Variants in DMD observed in about 807,000 individuals in gnomAD.
The protein encoded by DMD is mutant dystrophin.
In DMD, 63 loss-of-function variants were observed where a neutral mutation model predicts 330.1. That is an observed-to-expected ratio of 0.19 (90% confidence interval 0.16 to 0.24). The LOEUF (loss-of-function observed/expected upper bound fraction) is 0.24, where lower values mean the gene tolerates loss of function less well. Among genes scored for constraint, DMD ranks in the 10% least tolerant of loss-of-function variants. The probability of loss-of-function intolerance (pLI) is 1.00; values close to 1 mark genes in which losing one functional copy is unlikely to be tolerated. For missense variants in DMD, 3,344 were observed against 2,684.1 expected, an observed-to-expected ratio of 1.25 and a Z score of -5.43; for synonymous variants, 1,223 against 959.8, an observed-to-expected ratio of 1.27 and a Z score of -5.07.
intron 44 of DMD, among the ~76,000 whole-genome samples, chrX:32,007,384 C>T (rs1307536578): frequency 2.7e-5 from 3 of 109,355 alleles, no homozygotes; most frequent in Non-Finnish European, 5.7e-5. Flanking sequence ...AGGAAGAATT[C>T]TTCCCCAGAG....
intron 7 of DMD, among the ~76,000 whole-genome samples, chrX:32,712,981 CCTATT>C (rs1317976010): frequency 9.0e-6 from 1 of 111,196 alleles, no homozygotes; most frequent in Non-Finnish European, 1.9e-5. Context: ...TATTAGCTAA[CCTATT>C]CTATCTCTAG....
intron 18 of DMD, among the ~76,000 whole-genome samples, chrX:32,504,455 C>A (rs1251447587): frequency 9.1e-6 from 1 of 109,994 alleles, no homozygotes; most frequent in Non-Finnish European, 1.9e-5. Flanking sequence ...GAAACCCTGT[C>A]TCTACTAAAA....
intron 29 of DMD, among the ~76,000 whole-genome samples, chrX:32,418,211 T>C (rs765274578): frequency 1.8e-5 from 2 of 111,512 alleles, no homozygotes; most frequent in South Asian, 7.5e-4. Context: ...ATGTTTCTGA[T>C]CTATCTGGCT....
chrX:31,353,320 T>C (rs1413729661), intron 60 of DMD, among the ~76,000 whole-genome samples: 2 of 111,280 alleles, frequency 1.8e-5, no homozygotes, highest in African/African-American at 6.5e-5. Flanking sequence ...AAAATTTCTG[T>C]GACATGACTC....
chrX:32,393,885 T>C (rs758446927), intron 30 of DMD, among the ~76,000 whole-genome samples: 1 of 111,275 alleles, frequency 9.0e-6, no homozygotes, highest in Non-Finnish European at 1.9e-5. Flanking sequence ...GGATCAATAG[T>C]AATCAGGGTA....
At chrX:32,716,115 C>T (rs887318481) in intron 7 of DMD, among the ~76,000 whole-genome samples, 6 of 111,350 alleles carry the variant, frequency 5.4e-5, no homozygotes, top group African/African-American at 9.8e-5. Context: ...TACTGAACAG[C>T]GTCAATACAG....
intron 22 of DMD, among the ~76,000 whole-genome samples, chrX:32,470,335 TA>T (rs1380014324): frequency 4.5e-5 from 5 of 111,635 alleles, no homozygotes; most frequent in Non-Finnish European, 9.4e-5. Flanking sequence ...CTTCTCCACC[TA>T]AATTTTTATA....
intron 15 of DMD, among the ~76,000 whole-genome samples, chrX:32,571,889 C>T (rs1379804831): frequency 9.0e-6 from 1 of 110,833 alleles, no homozygotes; most frequent in East Asian, 2.8e-4. Context: ...ATCTTAATGC[C>T]CAATGCTACT....
At chrX:31,643,462 T>A (rs2079897036) in intron 54 of DMD, among the ~76,000 whole-genome samples, 1 of 111,888 alleles carries the variant, frequency 8.9e-6, no homozygotes, top group Non-Finnish European at 1.9e-5. Context: ...ATTTTTAAAG[T>A]AGCTCTTAAA....
chrX:33,175,752 T>C (rs1487263693), intron 1 of DMD, among the ~76,000 whole-genome samples: 1 of 111,874 alleles, frequency 8.9e-6, no homozygotes, highest in Non-Finnish European at 1.9e-5. Context: ...GGGAAGCATA[T>C]TACCTTCTAT....
chrX:33,311,664 A>C (rs1377241336), intron 1 of DMD, among the ~76,000 whole-genome samples: 1 of 110,562 alleles, frequency 9.0e-6, no homozygotes, highest in Non-Finnish European at 1.9e-5. Flanking sequence ...ATATTTCAAG[A>C]AAATAGAGGT....
chrX:31,715,339 T>C lies in DMD; in HGVS notation c.7660+14292A>G, dbSNP rs1603450707. Among the ~76,000 whole-genome samples, 7 of 105,867 alleles carry C rather than the reference T, an allele frequency of 6.6e-5. No homozygotes were observed. The South Asian group carries it at 3.1e-3, about 46-fold the overall frequency. The allele number at this position is 105,867 out of a possible 115,157, so 91.9% of individuals were successfully genotyped here. On this transcript the variant is annotated intron_variant, in intron 52 of 78. Transcript: ENST00000357033. ...ACGGGCGGATCACGAGGTCAGGAGATCGAGACCATCCTGGCTAACACGGTG... is the reference window on the plus strand; with the variant it reads ...ACGGGCGGATCACGAGGTCAGGAGACCGAGACCATCCTGGCTAACACGGTG...
rs753893973 is a variant in DMD, at chrX:31,514,696, G to T, written c.8218-7243C>A. Among the ~76,000 whole-genome samples the T allele has an allele frequency of 5.4e-5, 6 of 111,739 alleles. No homozygotes were observed. In the South Asian group the frequency reaches 2.2e-3, roughly 41 times the overall value. ...CTTTAATAAATAATAGCAAATGCAG[G>T]GCTTACTATTACAAGATAATCCATG... On this transcript the variant is annotated intron_variant, in intron 55 of 78. Coordinates refer to ENST00000357033, the MANE Select transcript of DMD (RefSeq NM_004006.3).
intron 44 of DMD, among the ~76,000 whole-genome samples, chrX:32,053,553 T>C (rs773516202): frequency 9.0e-6 from 1 of 111,308 alleles, no homozygotes; most frequent in African/African-American, 3.3e-5. Context: ...TCTACTTTCC[T>C]ATTACAGAGG....
Position 32,292,302 on chromosome X carries a change from C to CTTTTTTTTTTTT in DMD, c.6118-4613_6118-4602dup, listed in dbSNP as rs10652780. ...AACAAATATCAACAAAGGGAATATT[C>CTTTTTTTTTTTT]TTTTTTTTTTTTTTTTGAGATGGAG... is the stretch of plus-strand genomic sequence containing the variant. On this transcript the variant is annotated intron_variant, in intron 42 of 78. Transcript: ENST00000357033. 4.0e-3 allele frequency among the ~76,000 whole-genome samples: 252 copies of CTTTTTTTTTTTT among 62,895 alleles called. 48 individuals are homozygous for CTTTTTTTTTTTT. Among genetic ancestry groups the CTTTTTTTTTTTT allele is most frequent in the African/African-American group, 0.017 (236 of 14,256 alleles). 54.6% of individuals were successfully genotyped at this position (62,895 alleles called of 115,157 possible). A position where few individuals can be genotyped will look rare whatever the true frequency, so the allele number is the denominator to read the frequency against.
chrX:33,098,414 C>G (rs1435216457), intron 1 of DMD, among the ~76,000 whole-genome samples: 8 of 111,384 alleles, frequency 7.2e-5, no homozygotes, highest in Non-Finnish European at 1.3e-4. Context: ...ATGGTGTAAA[C>G]CAATTCTGCT....
intron 30 of DMD, among the ~76,000 whole-genome samples, chrX:32,394,908 C>CAAAAACAAAACAAAAAA (rs1557326692): frequency 8.1e-5 from 3 of 37,136 alleles, no homozygotes; most frequent in Admixed American, 4.0e-4. Context: ...GAGCAAAAAA[C>CAAAAACAAAACAAAAAA]AAAAAAACAA....
At chrX:33,230,968 A>AAT (rs1557304606) in intron 1 of DMD, among the ~76,000 whole-genome samples, 1 of 108,113 alleles carries the variant, frequency 9.2e-6, no homozygotes, top group African/African-American at 3.6e-5. Flanking sequence ...AAAAAAAAAA[A>AAT]AAAATAAATA....
chrX:32,964,655 C>T (rs1486910312), intron 2 of DMD, among the ~76,000 whole-genome samples: 1 of 111,397 alleles, frequency 9.0e-6, no homozygotes, highest in African/African-American at 3.3e-5. Flanking sequence ...TTGCAGTGAG[C>T]CGAGATTATG....
Sources: gnomAD v4.1 joint callset for allele counts (sites outside exome capture counted in the v4.1 genomes callset) on GRCh38, gnomAD v4.1.1 for gene constraint, MANE v1.5 for transcripts, NCBI Gene and HGNC (gene_info 2026-07-23, HGNC 2026-07-21) for gene names.